Variants in ADGRD1 observed in about 807,000 individuals in gnomAD.
ADGRD1 encodes the protein G-protein coupled receptor 133.
A neutral mutation model predicts 113.4 loss-of-function variants in ADGRD1; 77 were observed. That is an observed-to-expected ratio of 0.68 (90% CI 0.57 to 0.82). The LOEUF is 0.82. ADGRD1 is among the 40% of genes least tolerant of loss of function. The pLI is 0.00. For synonymous variants in ADGRD1, 474 were observed against 475.0 expected (o/e 1.00, Z 0.03); for missense variants, 1,036 against 1,139.1 (o/e 0.91, Z 1.30).
intron 13 of ADGRD1, chr12:131,026,809 C>CAGGG (rs1422338533): frequency 6.6e-6 from 1 of 152,062 alleles, no homozygotes; most frequent in East Asian, 1.9e-4. Context: ...GAGAGTCTCC[C>CAGGG]AGGGGATATT....
Position 131,113,158 on chromosome 12 carries a change from T to C in ADGRD1, c.2041+4281T>C, listed in dbSNP as rs1196278548. Among the ~76,000 whole-genome samples the C allele has an allele frequency of 6.6e-6, 1 of 152,232 alleles. No homozygotes were observed. Among genetic ancestry groups the C allele is most frequent in the Non-Finnish European group, 1.5e-5 (1 of 68,040 alleles). On this transcript the variant is annotated intron_variant, in intron 18 of 24. Transcript: ENST00000261654. The surrounding 1 kb of genome is among the most constrained non-coding windows in gnomAD (Gnocchi z 4.9). ...AGGTTTTGGCTGAAGTGCCACAGAC[T>C]CAGTCTTCTTAACAAGATTTAGTAG... is the stretch of plus-strand genomic sequence containing the variant.
Position 130,961,261 on chromosome 12 carries a change from CTG to C in ADGRD1, c.104-5200_104-5199del, listed in dbSNP as rs537770303. Among the ~76,000 whole-genome samples, 41 of 152,332 alleles carry C rather than the reference CTG, an allele frequency of 2.7e-4. No individual in the cohort carries two copies. The East Asian group carries it at 7.7e-3, about 29-fold the overall frequency. On this transcript the variant is annotated intron_variant, in intron 2 of 24. Transcript: ENST00000261654. ...TTAAGTTGTTTTGAGTATTAATACT[CTG>C]TCTTTCATCTCTCTCCTATGTCTGT... is the stretch of plus-strand genomic sequence containing the variant.
In ADGRD1 at chr12:131,050,212, G is replaced by GTCA. The variant is rs1481590773; in HGVS notation, c.1474-26586_1474-26584dup. On this transcript the variant is annotated intron_variant, in intron 13 of 24. Coordinates refer to ENST00000261654, the MANE Select transcript of ADGRD1 (RefSeq NM_198827.5). The surrounding 1 kb of genome is among the most constrained non-coding windows in gnomAD (Gnocchi z 4.8). The stretch of plus-strand genomic sequence containing the variant: ...CCTGTCTCAAGTTGAAATCACCATC[G>GTCA]TCATCGTCATCATCATCATCATCAT... 3.8e-5 allele frequency among the ~76,000 whole-genome samples: 4 copies of GTCA among 106,626 alleles called. No individual in the cohort carries two copies. Among genetic ancestry groups the GTCA allele is most frequent in the Non-Finnish European group, 9.2e-5 (4 of 43,608 alleles). 70.0% of individuals were successfully genotyped at this position (106,626 alleles called of 152,430 possible). A position where few individuals can be genotyped will look rare whatever the true frequency, so the allele number is the denominator to read the frequency against.
intron 21 of ADGRD1, among the ~76,000 whole-genome samples, chr12:131,134,565 A>G (rs1951025482): frequency 6.6e-6 from 1 of 152,258 alleles, no homozygotes; most frequent in African/African-American, 2.4e-5. Flanking sequence ...TCCCAGAAAC[A>G]GGTGTTTTAT....
rs1884243337 is a variant in ADGRD1, at chr12:131,060,694, G to A, written c.1474-16107G>A. Reference sequence around the variant, plus strand: ...TTACCCCTGCCTGTGACACCTGATGGTTCTGTGTCTTCCATCTTCCCTCAC... The same window carrying A: ...TTACCCCTGCCTGTGACACCTGATGATTCTGTGTCTTCCATCTTCCCTCAC... On this transcript the variant is annotated intron_variant, in intron 13 of 24. Coordinates refer to ENST00000261654, the MANE Select transcript of ADGRD1 (RefSeq NM_198827.5). The surrounding 1 kb of genome is among the most constrained non-coding windows in gnomAD (Gnocchi z 4.4). 6.6e-6 allele frequency among the ~76,000 whole-genome samples: 1 copy of A among 152,178 alleles called. No homozygotes were observed. Among genetic ancestry groups the A allele is most frequent in the African/African-American group, 2.4e-5 (1 of 41,426 alleles).
At chr12:131,097,254 G>A (rs1320741690) in intron 15 of ADGRD1, among the ~76,000 whole-genome samples, 1 of 152,154 alleles carries the variant, frequency 6.6e-6, no homozygotes, top group Non-Finnish European at 1.5e-5. Flanking sequence ...AGGGTTCCTG[G>A]TCTGGAAAAC....
chr12:131,031,751 C>G (rs1880779679), intron 13 of ADGRD1, among the ~76,000 whole-genome samples: 1 of 152,180 alleles, frequency 6.6e-6, no homozygotes, highest in Non-Finnish European at 1.5e-5. Context: ...GTGTCAACAC[C>G]TTGTCTCCCC....
chr12:130,999,195 G>A (rs542714852), intron 8 of ADGRD1, among the ~76,000 whole-genome samples: 2 of 152,286 alleles, frequency 1.3e-5, no homozygotes, highest in East Asian at 3.9e-4. Flanking sequence ...AATCTGGCCC[G>A]TTGCTTGCTT....
chr12:131,131,848 C>A, intron 21 of ADGRD1, 32 bp downstream of exon 21: 2 of 1,366,434 alleles, frequency 1.5e-6, no homozygotes, highest in Non-Finnish European at 2.1e-6. Flanking sequence ...AGCAGTGCCA[C>A]GGCCCTTCTG....
intron 19 of ADGRD1, among the ~76,000 whole-genome samples, chr12:131,118,835 C>G (rs948389697): frequency 9.2e-5 from 14 of 152,170 alleles, no homozygotes; most frequent in Non-Finnish European, 1.6e-4. Flanking sequence ...CTGTGCAGAC[C>G]GTGTGCCCAG....
At position 131,098,138 on chromosome 12, in the gene ADGRD1, T is replaced by C. The variant is rs1279318116; in HGVS notation, c.1672-6693T>C. Among the ~76,000 whole-genome samples the C allele has an allele frequency of 1.4e-5, 2 of 144,184 alleles. 1 individual carries two copies. The highest frequency in any genetic ancestry group is 3.9e-4 in the East Asian group (2 of 5,184). 94.6% of individuals were successfully genotyped at this position (144,184 alleles called of 152,430 possible). On this transcript the variant is annotated intron_variant, in intron 15 of 24. Coordinates refer to ENST00000261654, the MANE Select transcript of ADGRD1 (RefSeq NM_198827.5). The stretch of plus-strand genomic sequence containing the variant: ...CCCCTCTCCCACTGTCCTCCCGCGG[T>C]GGCCGCTGTCTGGGCCTCACTTCCT...
rs959663611 is a variant in ADGRD1 at position 130,966,759 on chromosome 12, C to T, written c.187+213C>T. The stretch of plus-strand genomic sequence containing the variant: ...CCACGGTGATAGAGATGAACAAATA[C>T]TTGTGTAACTTCCCGTAATAGTTAT... On this transcript the variant is annotated intron_variant, in intron 3 of 24. Coordinates refer to ENST00000261654, the MANE Select transcript of ADGRD1 (RefSeq NM_198827.5). This position sits in a 1 kb window ranked among gnomAD's most constrained non-coding sequence, Gnocchi z 4.6. 2 of 554,208 alleles carry T rather than the reference C, an allele frequency of 3.6e-6. No homozygotes were observed. The highest frequency in any genetic ancestry group is 6.2e-5 in the East Asian group (2 of 32,502). The allele number at this position is 554,208 out of a possible 1,614,324, so 34.3% of individuals were successfully genotyped here.
chr12:131,060,697 CTG>C lies in ADGRD1; in HGVS notation c.1474-16100_1474-16099del, dbSNP rs1413209843. 6.6e-6 allele frequency among the ~76,000 whole-genome samples: 1 copy of C among 152,234 alleles called. No individual in the cohort carries two copies. Among genetic ancestry groups the C allele is most frequent in the Non-Finnish European group, 1.5e-5 (1 of 68,044 alleles). ...CCCCTGCCTGTGACACCTGATGGTTCTGTGTCTTCCATCTTCCCTCACGTATC... is the reference window on the plus strand; with the variant it reads ...CCCCTGCCTGTGACACCTGATGGTTCTGTCTTCCATCTTCCCTCACGTATC... On this transcript the variant is annotated intron_variant, in intron 13 of 24. Coordinates refer to ENST00000261654, the MANE Select transcript of ADGRD1 (RefSeq NM_198827.5). This position sits in a 1 kb window ranked among gnomAD's most constrained non-coding sequence, Gnocchi z 4.4.
rs969962812 is a variant in ADGRD1, at chr12:130,984,948, TC to T, written c.491-2146del. ...TCTCTTCTCTCTTTCTCTCTTTCTT[TC>T]TTTTTCTTTCTGACAGGATCTGTCA... On this transcript the variant is annotated intron_variant, in intron 5 of 24. Transcript: ENST00000261654. The surrounding 1 kb of genome is among the most constrained non-coding windows in gnomAD (Gnocchi z 4.1). Among the ~76,000 whole-genome samples the T allele has an allele frequency of 6.6e-6, 1 of 151,836 alleles. No homozygotes were observed. The highest frequency in any genetic ancestry group is 2.4e-5 in the African/African-American group (1 of 41,308).
At chr12:131,012,729 A>G (rs1319684573) in intron 12 of ADGRD1, among the ~76,000 whole-genome samples, 3 of 152,076 alleles carry the variant, frequency 2.0e-5, no homozygotes, top group Admixed American at 6.5e-5. Flanking sequence ...GGGAGGAAAA[A>G]TATGGTGCCC....
At chr12:131,032,403 C>A (rs1880878695) in intron 13 of ADGRD1, among the ~76,000 whole-genome samples, 1 of 152,234 alleles carries the variant, frequency 6.6e-6, no homozygotes, top group Non-Finnish European at 1.5e-5. Flanking sequence ...GGAGGTTTCA[C>A]AACTCACTTT....
chr12:131,096,996 C>G lies in ADGRD1; in HGVS notation c.1672-7835C>G, dbSNP rs914614316. ...GTGGCTTTTTGGGCAGTGGCCACGCCTCTGCTGTGGCTGCAGCCCTGCTGG... is the reference window on the plus strand; with the variant it reads ...GTGGCTTTTTGGGCAGTGGCCACGCGTCTGCTGTGGCTGCAGCCCTGCTGG... On this transcript the variant is annotated intron_variant, in intron 15 of 24. Transcript: ENST00000261654. This position sits in a 1 kb window ranked among gnomAD's most constrained non-coding sequence, Gnocchi z 5.2. Among the ~76,000 whole-genome samples the G allele has an allele frequency of 3.3e-5, 5 of 152,194 alleles. No individual in the cohort carries two copies. Among genetic ancestry groups the G allele is most frequent in the African/African-American group, 1.2e-4 (5 of 41,452 alleles).
Position 131,003,307 on chromosome 12 carries a change from C to T in ADGRD1, c.1144+5C>T. On this transcript the variant is annotated splice_donor_5th_base_variant and intron_variant, in intron 10 of 24. Coordinates refer to ENST00000261654, the MANE Select transcript of ADGRD1 (RefSeq NM_198827.5). This position sits in a 1 kb window ranked among gnomAD's most constrained non-coding sequence, Gnocchi z 4.8. ...AGGGCTCCTCTGCCATGGCAGGTAG[C>T]TGTCGCTTGTAAGGGTGAGCCACAT... 1 of 1,602,168 alleles carries T rather than the reference C, an allele frequency of 6.2e-7. No homozygotes were observed. Among genetic ancestry groups the T allele is most frequent in the Non-Finnish European group, 8.5e-7 (1 of 1,169,680 alleles).
rs927827702 is a variant in ADGRD1, at chr12:131,096,120, C to G, written c.1672-8711C>G. Among the ~76,000 whole-genome samples the G allele has an allele frequency of 6.6e-6, 1 of 152,274 alleles. No individual in the cohort carries two copies. Among genetic ancestry groups the G allele is most frequent in the African/African-American group, 2.4e-5 (1 of 41,558 alleles). On this transcript the variant is annotated intron_variant, in intron 15 of 24. Coordinates refer to ENST00000261654, the MANE Select transcript of ADGRD1 (RefSeq NM_198827.5). This position sits in a 1 kb window ranked among gnomAD's most constrained non-coding sequence, Gnocchi z 5.2. Reference sequence around the variant, plus strand: ...TGTCATTCCAGACGCAGTTGCTGAGCCTGGGGCCCCGCTTTGCTCTTTGTT... The same window carrying G: ...TGTCATTCCAGACGCAGTTGCTGAGGCTGGGGCCCCGCTTTGCTCTTTGTT...
Sources: allele counts gnomAD v4.1 joint callset (sites outside exome capture counted in the v4.1 genomes callset), GRCh38; gene constraint gnomAD v4.1.1; non-coding constraint Gnocchi (gnomAD v3.1); transcripts MANE v1.5; gene names NCBI Gene and HGNC (gene_info 2026-07-23, HGNC 2026-07-21).